CSMD1: variants seen among roughly 807,000 people sequenced by gnomAD.
The protein encoded by CSMD1 is CUB and sushi domain-containing protein 1.
CSMD1 carries 213 observed loss-of-function variants against 417.5 expected under a neutral mutation model. The observed-to-expected ratio is 0.51, with a 90% confidence interval of 0.46 to 0.57. The LOEUF (loss-of-function observed/expected upper bound fraction) is 0.57, where lower values mean the gene tolerates loss of function less well. CSMD1 is among the 20% of genes least tolerant of loss of function. CSMD1 has a pLI of 0.00. For missense variants in CSMD1, 6,923 were observed against 4,529.7 expected (o/e 1.53, Z -15.17); for synonymous variants, 2,862 against 1,736.8 (o/e 1.65, Z -16.11).
intron 1 of CSMD1, among the ~76,000 whole-genome samples, chr8:4,660,746 C>G (rs1804541325): frequency 6.6e-6 from 1 of 151,972 alleles, no homozygotes; most frequent in Non-Finnish European, 1.5e-5. Context: ...ACTAACATCT[C>G]TAATCTATAA....
At chr8:4,430,328 GAT>G (rs1187808790) in intron 2 of CSMD1, among the ~76,000 whole-genome samples, 1 of 152,096 alleles carries the variant, frequency 6.6e-6, no homozygotes, top group African/African-American at 2.4e-5. Flanking sequence ...TGCTTTAACT[GAT>G]AGTTTTCCTT....
At chr8:4,214,814 A>G (rs1800535368) in intron 3 of CSMD1, among the ~76,000 whole-genome samples, 1 of 152,198 alleles carries the variant, frequency 6.6e-6, no homozygotes, top group Non-Finnish European at 1.5e-5. Flanking sequence ...AGAAGCTCAA[A>G]AATACGAACA....
At chr8:3,089,903 T>A (rs1161991766) in intron 48 of CSMD1, among the ~76,000 whole-genome samples, 2 of 152,174 alleles carry the variant, frequency 1.3e-5, no homozygotes, top group Non-Finnish European at 2.9e-5. Context: ...GAGGATATAA[T>A]CATATCACCA....
At chr8:4,255,601 G>C (rs147070495) in intron 3 of CSMD1, among the ~76,000 whole-genome samples, 3 of 152,232 alleles carry the variant, frequency 2.0e-5, no homozygotes, top group African/African-American at 7.2e-5. Flanking sequence ...GCATAAAGTT[G>C]ATTATACTTG....
intron 54 of CSMD1, among the ~76,000 whole-genome samples, chr8:2,980,415 TCTC>T (rs1448628990): frequency 3.3e-5 from 5 of 151,150 alleles, no homozygotes; most frequent in African/African-American, 1.2e-4. Flanking sequence ...CTCCTTGTCC[TCTC>T]CTCCTCCTTT....
chr8:3,203,030 A>C (rs1797072115), intron 31 of CSMD1, among the ~76,000 whole-genome samples: 2 of 152,278 alleles, frequency 1.3e-5, no homozygotes, highest in South Asian at 4.1e-4. Flanking sequence ...GATTTTTATC[A>C]TACTGGAGGC....
chr8:3,713,627 T>C (rs1008091416), intron 6 of CSMD1, among the ~76,000 whole-genome samples: 4 of 152,190 alleles, frequency 2.6e-5, no homozygotes, highest in African/African-American at 2.4e-5. Context: ...CTTCATTAGA[T>C]AATATGACTC....
chr8:3,056,367 T>C (rs1812219654), intron 49 of CSMD1, among the ~76,000 whole-genome samples: 1 of 152,112 alleles, frequency 6.6e-6, no homozygotes, highest in African/African-American at 2.4e-5. Context: ...CGTTTCTCTG[T>C]TTTTTTCTTT....
chr8:4,992,743 G>A (rs1259069236), intron 1 of CSMD1, among the ~76,000 whole-genome samples: 2 of 152,372 alleles, frequency 1.3e-5, no homozygotes, highest in East Asian at 1.9e-4. Context: ...TCCGCAGCCG[G>A]CAATGTCAGA....
intron 3 of CSMD1, among the ~76,000 whole-genome samples, chr8:4,206,270 G>A (rs1799971801): frequency 6.6e-6 from 1 of 152,058 alleles, no homozygotes; most frequent in African/African-American, 2.4e-5. Context: ...ATGTATACAT[G>A]TGCCATGTTG....
chr8:3,642,264 C>G (rs1482204), intron 7 of CSMD1, among the ~76,000 whole-genome samples: 62,505 of 151,552 alleles, frequency 0.41, 13,345 homozygotes, highest in Middle Eastern at 0.54. Flanking sequence ...CTCTTAAGGA[C>G]TTGACTAATA....
In CSMD1 at chr8:4,750,740, A is replaced by G. The variant is rs150706096; in HGVS notation, c.86-113182T>C. ...ACTTGACTTTTGTCAGTAAATACCG[A>G]ATTACTTCCCAAGGAAAAAAAAAAA... is the stretch of plus-strand genomic sequence containing the variant. On this transcript the variant is annotated intron_variant, in intron 1 of 69. Transcript: ENST00000635120. Among the ~76,000 whole-genome samples the G allele has an allele frequency of 7.1e-3, 1,085 of 152,148 alleles. 10 individuals are homozygous for G. The highest frequency in any genetic ancestry group is 0.025 in the African/African-American group (1,044 of 41,458).
chr8:3,034,537 TA>T (rs1381005619), intron 50 of CSMD1, among the ~76,000 whole-genome samples: 1 of 152,100 alleles, frequency 6.6e-6, no homozygotes, highest in African/African-American at 2.4e-5. Flanking sequence ...TATAAACACA[TA>T]AAAACACATA....
At chr8:3,345,153 G>C (rs1355077491) in intron 22 of CSMD1, among the ~76,000 whole-genome samples, 1 of 152,184 alleles carries the variant, frequency 6.6e-6, no homozygotes, top group African/African-American at 2.4e-5. Context: ...TGAAGCCCCT[G>C]CTGGGTCCTG....
At chr8:3,728,806 C>T (rs2623743) in intron 6 of CSMD1, among the ~76,000 whole-genome samples, 1 of 152,238 alleles carries the variant, frequency 6.6e-6, no homozygotes, top group Non-Finnish European at 1.5e-5. Context: ...AGCACATTGA[C>T]TGATAATGCC....
chr8:4,870,142 C>T (rs979853113), intron 1 of CSMD1, among the ~76,000 whole-genome samples: 1 of 151,972 alleles, frequency 6.6e-6, no homozygotes, highest in Non-Finnish European at 1.5e-5. Context: ...ATTACATATA[C>T]TTATAAAATG....
chr8:3,843,273 C>T (rs931918717), intron 5 of CSMD1, among the ~76,000 whole-genome samples: 1 of 152,090 alleles, frequency 6.6e-6, no homozygotes, highest in East Asian at 1.9e-4. Flanking sequence ...AAAATACTTT[C>T]GTTGTTTGTT....
At chr8:3,374,665 C>A (rs774895007) in intron 18 of CSMD1, among the ~76,000 whole-genome samples, 2 of 152,272 alleles carry the variant, frequency 1.3e-5, no homozygotes, top group African/African-American at 4.8e-5. Context: ...GGAGGAAATG[C>A]AGAAGATCAG....
At chr8:4,929,237 G>A (rs574128924) in intron 1 of CSMD1, among the ~76,000 whole-genome samples, 27 of 152,138 alleles carry the variant, frequency 1.8e-4, no homozygotes, top group Non-Finnish European at 3.5e-4. Flanking sequence ...GAAAGCCAGC[G>A]AGAGAGGCTG....
Sources: gnomAD v4.1 joint callset for allele counts (sites outside exome capture counted in the v4.1 genomes callset) on GRCh38, gnomAD v4.1.1 for gene constraint, MANE v1.5 for transcripts, NCBI Gene and HGNC (gene_info 2026-07-23, HGNC 2026-07-21) for gene names.